The following TMEM196 variants were observed in gnomAD, a reference collection of about 807,000 sequenced individuals.
TMEM196 encodes transmembrane protein 196.
Under a neutral mutation model 20.0 loss-of-function variants are expected in TMEM196, and 17 were observed. The ratio of observed to expected loss-of-function variants is 0.85; its 90% confidence interval spans 0.58 to 1.27. The LOEUF (loss-of-function observed/expected upper bound fraction) is 1.27, where lower values mean the gene tolerates loss of function less well. TMEM196 is among the 50% of genes most tolerant of loss of function. TMEM196 has a pLI of 0.00. For synonymous variants in TMEM196, 113 were observed against 88.9 expected, an observed-to-expected ratio of 1.27 and a Z score of -1.52; for missense variants, 267 against 223.0, an observed-to-expected ratio of 1.20 and a Z score of -1.26.
chr7:19,750,427 AT>A (rs61309281), intron 1 of TMEM196, among the ~76,000 whole-genome samples: 23,294 of 150,258 alleles, frequency 0.16, 2,168 homozygotes, highest in East Asian at 0.43. Context: ...TCAGAAGAGG[AT>A]TTTTTTTTTA....
chr7:19,727,851 C>G (rs1352041906), intron 2 of TMEM196, among the ~76,000 whole-genome samples: 2 of 152,100 alleles, frequency 1.3e-5, no homozygotes. Context: ...ATGTTTAAAT[C>G]TGTAACCATA....
At chr7:19,738,465 G>A (rs978149780) in intron 1 of TMEM196, among the ~76,000 whole-genome samples, 1 of 152,028 alleles carries the variant, frequency 6.6e-6, no homozygotes, top group Non-Finnish European at 1.5e-5. Context: ...AGTCGCAGGA[G>A]GAGCAACATG....
rs138787914 is a variant in TMEM196 at position 19,772,903 on chromosome 7, C to G, written c.-207G>C. 909 of 418,280 alleles carry G rather than the reference C, an allele frequency of 2.2e-3. 1 individual carries two copies. The highest frequency in any genetic ancestry group is 3.4e-3 in the Non-Finnish European group (817 of 241,978). The allele number at this position is 418,280 out of a possible 1,614,324, so 25.9% of individuals were successfully genotyped here. On this transcript the variant is annotated 5_prime_UTR_variant, in exon 1 of 5. Transcript: ENST00000405844. ...CAGAGGCAAAGGAGCTGCTCCACCC[C>G]CTGGCACGTTCAGATAGGGATCGTA...
chr7:19,749,955 T>C (rs1784899607), intron 1 of TMEM196, among the ~76,000 whole-genome samples: 1 of 152,228 alleles, frequency 6.6e-6, no homozygotes, highest in Non-Finnish European at 1.5e-5. Context: ...ATGTCTTCCA[T>C]TAACAAAGGC....
chr7:19,766,719 A>G (rs1785644261), intron 1 of TMEM196, among the ~76,000 whole-genome samples: 1 of 151,252 alleles, frequency 6.6e-6, no homozygotes. Context: ...GTGTGTATGC[A>G]AGTGCATACA....
At chr7:19,754,868 T>C (rs1176779243) in intron 1 of TMEM196, among the ~76,000 whole-genome samples, 2 of 152,216 alleles carry the variant, frequency 1.3e-5, no homozygotes, top group Admixed American at 6.5e-5. Flanking sequence ...CCCTATTTTT[T>C]CCCACTCATT....
chr7:19,738,420 C>G (rs962489103), intron 1 of TMEM196, among the ~76,000 whole-genome samples: 2 of 152,032 alleles, frequency 1.3e-5, no homozygotes, highest in African/African-American at 4.8e-5. Context: ...TTGGCATATA[C>G]TCATACATAT....
intron 3 of TMEM196, 67 bp downstream of exon 3, chr7:19,725,447 A>G: frequency 4.7e-6 from 7 of 1,499,802 alleles, no homozygotes; most frequent in Non-Finnish European, 6.3e-6. Context: ...TTTCAAGTTG[A>G]TTCACCCAGA....
intron 1 of TMEM196, among the ~76,000 whole-genome samples, chr7:19,735,476 C>T (rs1213981730): frequency 6.6e-6 from 1 of 152,178 alleles, no homozygotes; most frequent in Non-Finnish European, 1.5e-5. Flanking sequence ...TTTTCTCTCT[C>T]TCTTTCTCTT....
chr7:19,755,190 T>C (rs1785155826), intron 1 of TMEM196, among the ~76,000 whole-genome samples: 1 of 152,192 alleles, frequency 6.6e-6, no homozygotes, highest in African/African-American at 2.4e-5. Flanking sequence ...TTAGGCAAAA[T>C]CTAACAAAAT....
intron 1 of TMEM196, among the ~76,000 whole-genome samples, chr7:19,753,054 C>T (rs1033979488): frequency 6.6e-6 from 1 of 152,182 alleles, no homozygotes; most frequent in African/African-American, 2.4e-5. Context: ...ATTCTGTACA[C>T]TCTCAGTTTA....
intron 1 of TMEM196, among the ~76,000 whole-genome samples, chr7:19,732,176 TGGTCCAGAGA>T (rs1369603061): frequency 6.6e-6 from 1 of 152,244 alleles, no homozygotes; most frequent in African/African-American, 2.4e-5. Context: ...CGTGGGGACA[TGGTCCAGAGA>T]GGTCCAGAGA....
intron 1 of TMEM196, among the ~76,000 whole-genome samples, chr7:19,731,298 T>C (rs985044985): frequency 1.3e-5 from 2 of 152,214 alleles, no homozygotes; most frequent in African/African-American, 4.8e-5. Context: ...ACCTGAATAC[T>C]TGCATAATTT....
chr7:19,729,483 A>G (rs535847196), intron 1 of TMEM196, 45 bp from the exon 2 acceptor site: 3 of 1,528,130 alleles, frequency 2.0e-6, no homozygotes, highest in Admixed American at 4.0e-5. Context: ...CAAAGACACG[A>G]GGACCCCTAG....
At chr7:19,725,442 A>G (rs1783960374) in intron 3 of TMEM196, 72 bp downstream of exon 3, 1 of 1,490,854 alleles carries the variant, frequency 6.7e-7, no homozygotes. Flanking sequence ...TAAAGTTTCA[A>G]GTTGATTCAC....
intron 1 of TMEM196, among the ~76,000 whole-genome samples, chr7:19,763,636 A>T (rs930798338): frequency 6.6e-6 from 1 of 152,184 alleles, no homozygotes; most frequent in Admixed American, 6.6e-5. Flanking sequence ...GGTCAATTTC[A>T]TCAATGGTCT....
chr7:19,733,087 C>T (rs1784271759), intron 1 of TMEM196, among the ~76,000 whole-genome samples: 1 of 152,174 alleles, frequency 6.6e-6, no homozygotes, highest in South Asian at 2.1e-4. Context: ...ATGTAGCAAT[C>T]TAATGATAAG....
At chr7:19,766,231 A>G (rs1326063093) in intron 1 of TMEM196, among the ~76,000 whole-genome samples, 2 of 152,172 alleles carry the variant, frequency 1.3e-5, no homozygotes, top group Non-Finnish European at 2.9e-5. Flanking sequence ...TTAATGAAGT[A>G]TATATAGATT....
rs1041060504 is a variant in TMEM196, at chr7:19,730,311, A to G, written c.148-873T>C. Among the ~76,000 whole-genome samples, 3 of 152,072 alleles carry G rather than the reference A, an allele frequency of 2.0e-5. No homozygotes were observed. In the East Asian group the frequency reaches 5.8e-4, roughly 29 times the overall value. On this transcript the variant is annotated intron_variant, in intron 1 of 4. Transcript: ENST00000405844. Reference sequence around the variant, plus strand: ...GGGATAAAGCAATTGATAGCATATTATTTCTTGTAAATAAAACATTGTTGA... The same window carrying G: ...GGGATAAAGCAATTGATAGCATATTGTTTCTTGTAAATAAAACATTGTTGA...
Sources: gnomAD v4.1 joint callset for allele counts (sites outside exome capture counted in the v4.1 genomes callset) on GRCh38, gnomAD v4.1.1 for gene constraint, MANE v1.5 for transcripts, NCBI Gene and HGNC (gene_info 2026-07-23, HGNC 2026-07-21) for gene names.